Variants in SRBD1 observed in about 807,000 individuals in gnomAD.
SRBD1 encodes the protein S1 RNA-binding domain-containing protein 1.
A neutral mutation model predicts 115.3 loss-of-function variants in SRBD1; 88 were observed. The ratio of observed to expected loss-of-function variants is 0.76; its 90% CI spans 0.64 to 0.91. The LOEUF (loss-of-function observed/expected upper bound fraction) is 0.91. Among genes scored for constraint, SRBD1 ranks in the 40% least tolerant of loss-of-function variants. The pLI, the probability that SRBD1 is intolerant of heterozygous loss-of-function variation, is 0.00. For missense variants in SRBD1, 1,385 were observed against 1,177.4 expected, an observed-to-expected ratio of 1.18 and a Z score of -2.58; for synonymous variants, 509 against 407.7, an observed-to-expected ratio of 1.25 and a Z score of -2.99.
chr2:45,401,249 C>T (rs1667284724), intron 19 of SRBD1, among the ~76,000 whole-genome samples: 1 of 152,244 alleles, frequency 6.6e-6, no homozygotes, highest in South Asian at 2.1e-4. Context: ...AGTTTGAGTA[C>T]AGCCTGGGCA....
chr2:45,445,942 G>C (rs182605316), intron 16 of SRBD1, among the ~76,000 whole-genome samples: 1 of 152,272 alleles, frequency 6.6e-6, no homozygotes, highest in East Asian at 1.9e-4. Context: ...GCTAGGAACA[G>C]ACGTTTGCCT....
At chr2:45,488,112 A>G in intron 15 of SRBD1, 128 bp downstream of exon 15, 1 of 723,588 alleles carries the variant, frequency 1.4e-6, no homozygotes, top group Non-Finnish European at 2.3e-6. Flanking sequence ...TTTCTTTCTA[A>G]TATGCCAATT....
chr2:45,554,342 T>C (rs1672404086), intron 10 of SRBD1, among the ~76,000 whole-genome samples: 1 of 152,196 alleles, frequency 6.6e-6, no homozygotes, highest in African/African-American at 2.4e-5. Context: ...TATGAGAAAA[T>C]AAATTACTCC....
intron 19 of SRBD1, among the ~76,000 whole-genome samples, chr2:45,407,488 T>C (rs1667471760): frequency 6.6e-6 from 1 of 152,210 alleles, no homozygotes. Flanking sequence ...TACCTGTGAA[T>C]GTAAGTTTTA....
chr2:45,498,433 T>A (rs548790910), intron 14 of SRBD1, among the ~76,000 whole-genome samples: 1 of 152,312 alleles, frequency 6.6e-6, no homozygotes, highest in South Asian at 2.1e-4. Flanking sequence ...ATAACTGTTA[T>A]ACATATTTTT....
intron 16 of SRBD1, among the ~76,000 whole-genome samples, chr2:45,427,361 G>T (rs545424918): frequency 3.3e-5 from 5 of 151,970 alleles, no homozygotes; most frequent in African/African-American, 1.2e-4. Context: ...ACCCATCAGT[G>T]TGCTGTATTC....
At chr2:45,521,851 C>G (rs1313083978) in intron 14 of SRBD1, among the ~76,000 whole-genome samples, 1 of 151,914 alleles carries the variant, frequency 6.6e-6, no homozygotes, top group Admixed American at 6.6e-5. Context: ...GCCTCTAGTC[C>G]CAGCTACTCA....
At position 45,393,048 on chromosome 2, in the gene SRBD1, C is replaced by CT. The variant is rs35430892; in HGVS notation, c.2594dup (p.Glu866GlyfsTer28). 1.9e-6 allele frequency: 3 copies of CT among 1,614,036 alleles called. No homozygotes were observed. The highest frequency in any genetic ancestry group is 2.5e-6 in the Non-Finnish European group (3 of 1,179,964). On this transcript the variant is annotated frameshift_variant, in exon 20 of 21. Coordinates refer to ENST00000263736, the MANE Select transcript of SRBD1 (RefSeq NM_018079.5). LOFTEE classifies it high-confidence loss of function. ...TTTCTGCAATTTTCTCCATTCCTTC[C>CT]TTTTCAAGGAATGAATTTATTTTTT... is the stretch of plus-strand genomic sequence containing the variant.
chr2:45,558,896 T>A (rs1024814037), intron 10 of SRBD1, among the ~76,000 whole-genome samples: 1 of 151,962 alleles, frequency 6.6e-6, no homozygotes, highest in Non-Finnish European at 1.5e-5. Context: ...TTCGCCATGT[T>A]GGTCAGGTTG....
Position 45,601,903 on chromosome 2 carries a change from C to T in SRBD1, c.261G>A (p.Leu87=). 1 of 1,613,976 alleles carries T rather than the reference C, an allele frequency of 6.2e-7. No individual in the cohort carries two copies. The highest frequency in any genetic ancestry group is 1.3e-5 in the African/African-American group (1 of 75,056). The change falls in exon 3 of 21, where the codon CTG becomes CTA. Residue 87 remains leucine (L), a splice_region_variant and synonymous_variant. Coordinates refer to ENST00000263736, the MANE Select transcript of SRBD1 (RefSeq NM_018079.5). ...CCCTCTATCCAGCTGTAGCACCTACCAGCTCCTCCTTAACAACAACGACTT... is the reference window on the plus strand; with the variant it reads ...CCCTCTATCCAGCTGTAGCACCTACTAGCTCCTCCTTAACAACAACGACTT... ...GSEVVVVKEE[L]NSSVAIADTA...
intron 14 of SRBD1, among the ~76,000 whole-genome samples, chr2:45,525,088 C>T (rs1158238780): frequency 1.3e-5 from 2 of 151,050 alleles, no homozygotes; most frequent in Admixed American, 1.3e-4. Flanking sequence ...TAGCCACAGG[C>T]AAAAAAAATG....
intron 14 of SRBD1, among the ~76,000 whole-genome samples, chr2:45,543,107 T>G (rs552236855): frequency 2.6e-5 from 4 of 152,240 alleles, no homozygotes; most frequent in Non-Finnish European, 5.9e-5. Flanking sequence ...GTAGAATTTT[T>G]CACGAACATT....
intron 14 of SRBD1, among the ~76,000 whole-genome samples, chr2:45,540,118 G>A (rs1171592565): frequency 2.6e-5 from 4 of 152,232 alleles, no homozygotes; most frequent in Admixed American, 6.5e-5. Flanking sequence ...CATGGCAGGC[G>A]GATCATGAGG....
intron 2 of SRBD1, among the ~76,000 whole-genome samples, chr2:45,603,344 T>C (rs1038288741): frequency 6.6e-6 from 1 of 152,132 alleles, no homozygotes; most frequent in African/African-American, 2.4e-5. Context: ...TTAGAGCATA[T>C]CCCTTACATA....
chr2:45,439,182 G>C (rs753403252), intron 16 of SRBD1, among the ~76,000 whole-genome samples: 8 of 151,260 alleles, frequency 5.3e-5, no homozygotes, highest in Non-Finnish European at 1.2e-4. Flanking sequence ...AGATAAATGA[G>C]ATCTCATTGC....
intron 19 of SRBD1, among the ~76,000 whole-genome samples, chr2:45,399,417 C>T (rs376726150): frequency 3.3e-5 from 5 of 152,028 alleles, no homozygotes; most frequent in African/African-American, 1.2e-4. Context: ...ACTTTATGTG[C>T]AGATAAACAG....
intron 1 of SRBD1, among the ~76,000 whole-genome samples, chr2:45,608,935 G>A (rs1446344460): frequency 6.6e-6 from 1 of 151,690 alleles, no homozygotes; most frequent in Non-Finnish European, 1.5e-5. Flanking sequence ...AGCCTCCTAA[G>A]TAACTGGGAT....
intron 17 of SRBD1, among the ~76,000 whole-genome samples, chr2:45,418,805 T>A (rs955249538): frequency 1.3e-5 from 2 of 152,124 alleles, no homozygotes; most frequent in African/African-American, 4.8e-5. Flanking sequence ...CTAACACTGA[T>A]GCAAGAAAAA....
chr2:45,604,963 A>T (rs718325), intron 2 of SRBD1, among the ~76,000 whole-genome samples: 37 of 152,334 alleles, frequency 2.4e-4, no homozygotes, highest in African/African-American at 8.4e-4. Flanking sequence ...ATTGGCATCC[A>T]GTGGGTAGAG....
Sources: gnomAD v4.1 joint callset for allele counts (sites outside exome capture counted in the v4.1 genomes callset) on GRCh38, gnomAD v4.1.1 for gene constraint, MANE v1.5 for transcripts, NCBI Gene and HGNC (gene_info 2026-07-23, HGNC 2026-07-21) for gene names.